Variants in DALRD3 observed in about 807,000 individuals in gnomAD.
DALRD3 encodes the protein DALR anticodon binding domain containing 3.
DALRD3 carries 47 observed loss-of-function variants against 56.7 expected under a neutral mutation model. That is an observed-to-expected ratio of 0.83 (90% CI 0.66 to 1.06). The LOEUF (loss-of-function observed/expected upper bound fraction) is 1.06, where lower values mean the gene tolerates loss of function less well. Ranked by LOEUF, DALRD3 falls within the 50% of genes least tolerant of loss-of-function variation. The pLI is 0.00. For synonymous variants in DALRD3, 347 were observed against 308.5 expected (o/e 1.12, Z -1.31); for missense variants, 787 against 724.0 (o/e 1.09, Z -1.00).
In DALRD3 at chr3:49,018,458, C is replaced by G; in HGVS notation, c.107G>C (p.Arg36Pro). 9 of 1,589,874 alleles carry G rather than the reference C, an allele frequency of 5.7e-6. No homozygotes were observed. The highest frequency in any genetic ancestry group is 7.7e-6 in the Non-Finnish European group (9 of 1,168,592). The change falls in exon 1 of 12, where the codon CGT becomes CCT. Residue 36 changes from arginine (R) to proline (P), a missense_variant. Coordinates refer to ENST00000341949, the MANE Select transcript of DALRD3 (RefSeq NM_001009996.3). Reference protein sequence around the residue: ...WIKETRTRHLRSRDFLAPHRA... With the variant: ...WIKETRTRHLPSRDFLAPHRA... ...GTGCGGTGCCAGAAAGTCTCGGGAA[C>G]GCAGGTGGCGGGTGCGCGTCTCCTT...
intron 9 of DALRD3, 24 bp from the exon 10 acceptor site, chr3:49,016,110 AG>A (rs770905100): frequency 6.2e-6 from 10 of 1,608,568 alleles, no homozygotes; most frequent in Non-Finnish European, 8.5e-7. Context: ...AGGTGCTGGG[AG>A]GGGAAGTCCA....
Position 49,018,291 on chromosome 3 carries a change from C to T in DALRD3, c.193G>A (p.Ala65Thr), listed in dbSNP as rs2093115435. ...GCCACACCGGGGCCCTGCAGGCAGG[C>T]GAGGGCATGGAGCAAATGCTCCGGA... Reference protein sequence around the residue: ...QVPEHLLHALACLQGPGVAPV... With the variant: ...QVPEHLLHALTCLQGPGVAPV... Residue 65 changes from alanine to threonine, a missense_variant, in exon 2 of 12, where the codon GCC (alanine) becomes ACC (threonine). Coordinates refer to ENST00000341949, the MANE Select transcript of DALRD3 (RefSeq NM_001009996.3). 1 of 1,453,758 alleles carries T rather than the reference C, an allele frequency of 6.9e-7. No individual in the cohort carries two copies. 90.1% of individuals were successfully genotyped at this position (1,453,758 alleles called of 1,614,324 possible).
At position 49,018,163 on chromosome 3, in the gene DALRD3, C is replaced by T; in HGVS notation, c.321G>A (p.Thr107=). ...RVLSAVAAYA[T]PASPASLGQR... is the part of the protein sequence containing the mutation. ...GGCCCAGCGAGGCAGGCGAGGCGGG[C>T]GTGGCATAGGCGGCCACGGCGCTGA... is the stretch of plus-strand genomic sequence containing the variant. Residue 107 remains threonine, a synonymous_variant, in exon 2 of 12, where the codon ACG becomes ACA. Coordinates refer to ENST00000341949, the MANE Select transcript of DALRD3 (RefSeq NM_001009996.3). The T allele has an allele frequency of 1.4e-6, 2 of 1,456,154 alleles. No homozygotes were observed. Among genetic ancestry groups the T allele is most frequent in the Non-Finnish European group, 9.0e-7 (1 of 1,115,632 alleles). 90.2% of individuals were successfully genotyped at this position (1,456,154 alleles called of 1,614,324 possible). A position where few individuals can be genotyped will look rare whatever the true frequency, so the allele number is the denominator to read the frequency against.
chr3:49,018,420 C>A lies in DALRD3; in HGVS notation c.145G>T (p.Ala49Ser). The change falls in exon 1 of 12, where the codon GCG becomes TCG. Residue 49 changes from alanine (A) to serine (S), a missense_variant. Coordinates refer to ENST00000341949, the MANE Select transcript of DALRD3 (RefSeq NM_001009996.3). ...CCCACCTGGCCGTCATCGAAGCGCG[C>A]CTGCAGCGCGCGGTGCGGTGCCAGA... ...DFLAPHRALQ[A>S]RFDDGQVPEH... 1 of 1,578,448 alleles carries A rather than the reference C, an allele frequency of 6.3e-7. No homozygotes were observed. Among genetic ancestry groups the A allele is most frequent in the Non-Finnish European group, 8.6e-7 (1 of 1,163,670 alleles).
At position 49,018,533 on chromosome 3, in the gene DALRD3, G is replaced by A. The variant is rs1295025088; in HGVS notation, c.32C>T (p.Thr11Met). Residue 11 changes from threonine (T) to methionine (M), a missense_variant, in exon 1 of 12, where the codon ACG becomes ATG. Coordinates refer to ENST00000341949, the MANE Select transcript of DALRD3 (RefSeq NM_001009996.3). MATRRLGVGE[T>M]LGALNAALGP... ...CAGGGCCGCGTTGAGGGCCCCCAGC[G>A]TCTCCCCGACCCCAAGGCGCCTGGT... The A allele has an allele frequency of 3.2e-6, 5 of 1,583,332 alleles. No individual in the cohort carries two copies. The highest frequency in any genetic ancestry group is 1.8e-5 in the Admixed American group (1 of 56,524).
rs1373962573 is a variant in DALRD3, at chr3:49,017,713, C to A, written c.618G>T (p.Arg206Ser). Residue 206 changes from arginine to serine, a missense_variant, in exon 3 of 12, where the codon AGG becomes AGT. Transcript: ENST00000341949. ...LEELTSANDG[R>S]TLSPGILGRL... is the part of the protein sequence containing the mutation. ...TGCCTAGGATGCCAGGGGACAGTGT[C>A]CTCCCGTCATTAGCAGAGGTAAGTT... The A allele has an allele frequency of 1.2e-6, 2 of 1,614,146 alleles. No individual in the cohort carries two copies. Among genetic ancestry groups the A allele is most frequent in the Non-Finnish European group, 1.7e-6 (2 of 1,180,036 alleles).
chr3:49,017,148 A>G, intron 5 of DALRD3, 80 bp downstream of exon 5: 1 of 1,591,968 alleles, frequency 6.3e-7, no homozygotes, highest in Non-Finnish European at 8.6e-7. Context: ...GTCAGCTAAC[A>G]AGCCCCTCGG....
Position 49,016,426 on chromosome 3 carries a change from C to T in DALRD3, c.1146+3G>A. Reference sequence around the variant, plus strand: ...ACTGGCCCTGTCAGGCTCCCAGGCTCACCTGACTCTGTGGGGCTGTGCTCA... The same window carrying T: ...ACTGGCCCTGTCAGGCTCCCAGGCTTACCTGACTCTGTGGGGCTGTGCTCA... On this transcript the variant is annotated splice_donor_region_variant and intron_variant, in intron 8 of 11. Transcript: ENST00000341949. 1.9e-6 allele frequency: 3 copies of T among 1,612,860 alleles called. No homozygotes were observed. The highest frequency in any genetic ancestry group is 4.5e-5 in the East Asian group (2 of 44,864).
chr3:49,019,145 C>T (rs2106750543), upstream of DALRD3: 1 of 488,486 alleles, frequency 2.0e-6, no homozygotes, highest in East Asian at 1.5e-4. Flanking sequence ...ACGATCTCGG[C>T]TCACTGCAGC....
At position 49,017,311 on chromosome 3, in the gene DALRD3, CAT is replaced by C. The variant is rs1559905206; in HGVS notation, c.842_843del (p.His281ArgfsTer3). ...DTGTGGCLVV[H>X]VVSCEEEFQQ... is the part of the protein sequence containing the mutation. Reference sequence around the variant, plus strand: ...TGGAACTCCTCCTCACAGCTAACAACATGTACAACCAGGCAGCCGCCTGTACC... The same window carrying C: ...TGGAACTCCTCCTCACAGCTAACAACGTACAACCAGGCAGCCGCCTGTACC... On this transcript the variant is annotated frameshift_variant, in exon 5 of 12. Transcript: ENST00000341949. LOFTEE classifies it high-confidence loss of function. 3 of 1,614,256 alleles carry C rather than the reference CAT, an allele frequency of 1.9e-6. No homozygotes were observed. Among genetic ancestry groups the C allele is most frequent in the Admixed American group, 1.7e-5 (1 of 60,030 alleles).
At chr3:49,018,606 G>T (rs2093123086), upstream of DALRD3, 1 of 1,508,108 alleles carries the variant, frequency 6.6e-7, no homozygotes. Flanking sequence ...AAAATTTAGG[G>T]AGGTGGAACT....
chr3:49,017,736 G>A lies in DALRD3; in HGVS notation c.595C>T (p.Leu199Phe). The change falls in exon 3 of 12, where the codon CTT (leucine) becomes TTT (phenylalanine). Residue 199 changes from leucine (L) to phenylalanine (F), a missense_variant. By Grantham distance (22) the Leu-to-Phe change is conservative. Coordinates refer to ENST00000341949, the MANE Select transcript of DALRD3 (RefSeq NM_001009996.3). ...GTCCTCCCGTCATTAGCAGAGGTAA[G>A]TTCTTCAAGGGCGTGGCTCCTCAGG... Reference protein sequence around the residue: ...HTLRSHALEELTSANDGRTLS... With the variant: ...HTLRSHALEEFTSANDGRTLS... 1 of 1,614,086 alleles carries A rather than the reference G, an allele frequency of 6.2e-7. No individual in the cohort carries two copies. The highest frequency in any genetic ancestry group is 1.3e-5 in the African/African-American group (1 of 75,066).
In DALRD3 at chr3:49,018,234, C is replaced by A; in HGVS notation, c.250G>T (p.Gly84Cys). 1 of 1,438,330 alleles carries A rather than the reference C, an allele frequency of 7.0e-7. No individual in the cohort carries two copies. Among genetic ancestry groups the A allele is most frequent in the Non-Finnish European group, 9.1e-7 (1 of 1,104,610 alleles). The allele number at this position is 1,438,330 out of a possible 1,614,324, so 89.1% of individuals were successfully genotyped here. Reference protein sequence around the residue: ...PVLRCAPTPAGLSLQLQRSAV... With the variant: ...PVLRCAPTPACLSLQLQRSAV... ...GACCGCTGCAGTTGGAGAGACAGAC[C>A]CGCGGGGGTCGGCGCGCAGCGCAGC... The change falls in exon 2 of 12, where the codon GGT becomes TGT. Residue 84 changes from glycine to cysteine, a missense_variant. Transcript: ENST00000341949.
rs868347018 is a variant in DALRD3, at chr3:49,015,810, G to A, written c.1506C>T (p.Ile502=). 6.2e-7 allele frequency: 1 copy of A among 1,614,152 alleles called. No individual in the cohort carries two copies. The highest frequency in any genetic ancestry group is 2.2e-5 in the East Asian group (1 of 44,876). ...CATTTTGCTGTGTGCTCACCCCCAG[G>A]ATGTGTACCCGGTTGTAGTAGGAGC... The part of the protein sequence containing the change: ...DFSSYYNRVH[I]LGEPRPHLFG... Residue 502 remains isoleucine, a synonymous_variant, in exon 11 of 12, where the codon ATC becomes ATT. Transcript: ENST00000341949.
Position 49,017,100 on chromosome 3 carries a change from A to C in DALRD3, c.927+128T>G, listed in dbSNP as rs577055965. On this transcript the variant is annotated intron_variant, in intron 5 of 11. Transcript: ENST00000341949. Reference sequence around the variant, plus strand: ...CTGCACCTGCTGTACATGCCCTCTCAAGTCCAGCAACTCCCCCAAGGTCAA... The same window carrying C: ...CTGCACCTGCTGTACATGCCCTCTCCAGTCCAGCAACTCCCCCAAGGTCAA... 5.6e-5 allele frequency: 77 copies of C among 1,366,184 alleles called. No homozygotes were observed. In the African/African-American group the frequency reaches 1.0e-3, roughly 18 times the overall value. The allele number at this position is 1,366,184 out of a possible 1,614,324, so 84.6% of individuals were successfully genotyped here.
chr3:49,017,811 G>T lies in DALRD3; in HGVS notation c.520C>A (p.Gln174Lys). ...RDPHMLTFLQ[Q>K]LRVDWPAASE... Reference sequence around the variant, plus strand: ...GCAGCGGGCCAGTCCACCCGCAGTTGCTGCAGGAAGGTCAGCATGTGCGGA... The same window carrying T: ...GCAGCGGGCCAGTCCACCCGCAGTTTCTGCAGGAAGGTCAGCATGTGCGGA... The change falls in exon 3 of 12, where the codon CAA becomes AAA. Residue 174 changes from glutamine (Q) to lysine (K), a missense_variant. Transcript: ENST00000341949. 6.2e-7 allele frequency: 1 copy of T among 1,612,320 alleles called. No individual in the cohort carries two copies.
At chr3:49,019,417 G>C (rs1200295640), upstream of DALRD3, among the ~76,000 whole-genome samples, 5 of 151,518 alleles carry the variant, frequency 3.3e-5, no homozygotes, top group Non-Finnish European at 2.9e-5. Flanking sequence ...TACAGTTGGC[G>C]GTTTTCTTCT....
chr3:49,019,921 G>C (rs1035299134), upstream of DALRD3, among the ~76,000 whole-genome samples: 2 of 152,194 alleles, frequency 1.3e-5, no homozygotes, highest in Admixed American at 1.3e-4. Flanking sequence ...GGAGTATCTT[G>C]CTCCTCTACC....
chr3:49,017,061 C>A (rs1480037717), intron 5 of DALRD3, 167 bp downstream of exon 5: 1 of 1,027,376 alleles, frequency 9.7e-7, no homozygotes. Flanking sequence ...ACAGACCCCC[C>A]TTCCCCAGAG....
Sources: allele counts gnomAD v4.1 joint callset (sites outside exome capture counted in the v4.1 genomes callset), GRCh38; gene constraint gnomAD v4.1.1; transcripts MANE v1.5; gene names NCBI Gene and HGNC (gene_info 2026-07-23, HGNC 2026-07-21).